SLC9C2: variants seen among roughly 807,000 people sequenced by gnomAD.
SLC9C2 encodes sodium/hydrogen exchanger 11.
Under a neutral mutation model 140.2 loss-of-function variants are expected in SLC9C2, and 75 were observed. The ratio of observed to expected loss-of-function variants is 0.53; its 90% CI spans 0.44 to 0.65. The LOEUF (loss-of-function observed/expected upper bound fraction) is 0.65, where lower values mean the gene tolerates loss of function less well. Among genes scored for constraint, SLC9C2 ranks in the 30% least tolerant of loss-of-function variants. The pLI, the probability that SLC9C2 is intolerant of heterozygous loss-of-function variation, is 0.00. For synonymous variants in SLC9C2, 375 were observed against 420.9 expected (o/e 0.89, Z 1.34); for missense variants, 1,074 against 1,331.8 (o/e 0.81, Z 3.01).
chr1:173,506,869 G>A lies in SLC9C2; in HGVS notation c.3212C>T (p.Thr1071Ile), dbSNP rs766979820. 1 of 1,613,030 alleles carries A rather than the reference G, an allele frequency of 6.2e-7. No individual in the cohort carries two copies. Among genetic ancestry groups the A allele is most frequent in the Non-Finnish European group, 8.5e-7 (1 of 1,179,512 alleles). The change falls in exon 25 of 28, where the codon ACA (threonine) becomes ATA (isoleucine). Residue 1071 changes from threonine to isoleucine, a missense_variant. Transcript: ENST00000367714. ...EPYFAPCIIPTTCEQVQGTSD... is the reference protein window; with the variant it reads ...EPYFAPCIIPITCEQVQGTSD... ...GATATTTCTTACCTGCTCACAGGTT[G>A]TAGGTATAATGCAAGGTGCAAAATA...
In SLC9C2 at chr1:173,506,976, A is replaced by G. The variant is rs1308277550; in HGVS notation, c.3105T>C (p.Ser1035=). The G allele has an allele frequency of 6.2e-7, 1 of 1,612,438 alleles. No homozygotes were observed. The highest frequency in any genetic ancestry group is 1.3e-5 in the African/African-American group (1 of 74,830). The change falls in exon 25 of 28, where the codon AGT becomes AGC. Residue 1035 remains serine, a synonymous_variant. Transcript: ENST00000367714. ...QAYVETLSSY[S]DMIIDNMTMK... is the part of the protein sequence containing the mutation. Reference sequence around the variant, plus strand: ...TGGTCATATTATCAATAATCATGTCACTATAGCTTGATAAAGTTTCCACAT... The same window carrying G: ...TGGTCATATTATCAATAATCATGTCGCTATAGCTTGATAAAGTTTCCACAT...
At chr1:173,579,651 G>A (rs567092920) in intron 7 of SLC9C2, among the ~76,000 whole-genome samples, 20 of 152,288 alleles carry the variant, frequency 1.3e-4, no homozygotes, top group Middle Eastern at 6.8e-3. Flanking sequence ...TTATGATGCC[G>A]TTTAGTTAGC....
chr1:173,506,413 A>T (rs542376826), intron 25 of SLC9C2, among the ~76,000 whole-genome samples: 13 of 152,364 alleles, frequency 8.5e-5, no homozygotes, highest in African/African-American at 3.1e-4. Flanking sequence ...GCTGAGGCCC[A>T]GGGCCCAGGA....
At position 173,581,959 on chromosome 1, in the gene SLC9C2, T is replaced by C; in HGVS notation, c.690A>G (p.Ile230Met). The C allele has an allele frequency of 6.2e-7, 1 of 1,600,028 alleles. No homozygotes were observed. The highest frequency in any genetic ancestry group is 8.5e-7 in the Non-Finnish European group (1 of 1,171,096). ...TGATTTTTGCACACCAATATCCAAA[T>C]ATTATGCTTCCCAAAATGTCATAGC... ...ELSYDILGSI[I>M]FGYWCAKIIQ... Residue 230 changes from isoleucine to methionine, a missense_variant, in exon 7 of 28, where the codon ATA becomes ATG. Ile to Met is a conservative substitution (Grantham distance 10). Transcript: ENST00000367714.
chr1:173,503,639 A>G (rs940118855), intron 26 of SLC9C2, among the ~76,000 whole-genome samples: 3 of 152,208 alleles, frequency 2.0e-5, no homozygotes, highest in African/African-American at 7.2e-5. Context: ...TAGAAGCCAA[A>G]TGATACTCAG....
chr1:173,526,426 A>G (rs960623716), intron 19 of SLC9C2, among the ~76,000 whole-genome samples: 2 of 152,188 alleles, frequency 1.3e-5, no homozygotes, highest in African/African-American at 4.8e-5. Context: ...GGACTCTGCT[A>G]ACTTTTTCAA....
intron 18 of SLC9C2, among the ~76,000 whole-genome samples, chr1:173,529,691 G>T (rs1446364690): frequency 1.3e-5 from 2 of 150,456 alleles, no homozygotes; most frequent in Non-Finnish European, 1.5e-5. Context: ...TATGTTTTCT[G>T]CCATGAAGAT....
intron 9 of SLC9C2, among the ~76,000 whole-genome samples, chr1:173,562,948 G>A (rs1285995029): frequency 6.6e-6 from 1 of 151,986 alleles, no homozygotes; most frequent in African/African-American, 2.4e-5. Flanking sequence ...TACTTGCAGG[G>A]AGTGCTAAAA....
intron 4 of SLC9C2, among the ~76,000 whole-genome samples, chr1:173,596,008 G>A (rs1315882489): frequency 6.6e-6 from 1 of 152,118 alleles, no homozygotes; most frequent in East Asian, 1.9e-4. Context: ...ATTTTTAGAA[G>A]GTCTATGAAT....
At chr1:173,545,725 G>C (rs1020053918) in intron 13 of SLC9C2, among the ~76,000 whole-genome samples, 1 of 152,148 alleles carries the variant, frequency 6.6e-6, no homozygotes, top group African/African-American at 2.4e-5. Flanking sequence ...TTTACATGTC[G>C]GAGGGGTAGA....
Position 173,581,968 on chromosome 1 carries a change from T to C in SLC9C2, c.681A>G (p.Gly227=). 6.3e-7 allele frequency: 1 copy of C among 1,597,104 alleles called. No homozygotes were observed. The highest frequency in any genetic ancestry group is 1.1e-5 in the South Asian group (1 of 87,876). ...CACACCAATATCCAAATATTATGCT[T>C]CCCAAAATGTCATAGCTGAGTTCAA... ...VGIELSYDIL[G]SIIFGYWCAK... is the part of the protein sequence containing the mutation. The change falls in exon 7 of 28, where the codon GGA becomes GGG. Residue 227 remains glycine (G), a synonymous_variant. Coordinates refer to ENST00000367714, the MANE Select transcript of SLC9C2 (RefSeq NM_178527.4).
At chr1:173,535,993 T>C in intron 14 of SLC9C2, 44 bp from the exon 15 acceptor site, 1 of 1,447,500 alleles carries the variant, frequency 6.9e-7, no homozygotes, top group Non-Finnish European at 9.2e-7. Flanking sequence ...AAAAAGCAAG[T>C]GCTATACTTT....
Position 173,501,284 on chromosome 1 carries a change from C to T in SLC9C2, c.3372-187G>A, listed in dbSNP as rs190657005. Among the ~76,000 whole-genome samples, 568 of 152,144 alleles carry T rather than the reference C, an allele frequency of 3.7e-3. 3 individuals are homozygous for T. The highest frequency in any genetic ancestry group is 0.01 in the South Asian group (50 of 4,826). ...ATAATTAATTACATGTGCATCTCTA[C>T]GCTGTCATCTTGTGAAGAGATACTA... is the stretch of plus-strand genomic sequence containing the variant. On this transcript the variant is annotated intron_variant, in intron 27 of 27. Transcript: ENST00000367714.
chr1:173,596,512 C>T (rs573215332), intron 4 of SLC9C2: 1 of 152,228 alleles, frequency 6.6e-6, no homozygotes, highest in South Asian at 2.1e-4. Context: ...GTGTATTTCT[C>T]TAATGACTTA....
At chr1:173,600,249 T>C (rs370158728) in intron 2 of SLC9C2, 32 bp from the exon 3 acceptor site, 62 of 1,486,482 alleles carry the variant, frequency 4.2e-5, no homozygotes, top group Non-Finnish European at 1.9e-6. Flanking sequence ...GTTGCATGAG[T>C]ACTCGAAGTA....
intron 24 of SLC9C2, among the ~76,000 whole-genome samples, chr1:173,507,823 C>T (rs189001156): frequency 6.6e-5 from 10 of 152,274 alleles, no homozygotes; most frequent in African/African-American, 2.2e-4. Context: ...CTCCCAACAC[C>T]TTGATTTCTA....
At chr1:173,567,296 TTCTC>T (rs1218669255) in intron 9 of SLC9C2, among the ~76,000 whole-genome samples, 1 of 152,060 alleles carries the variant, frequency 6.6e-6, no homozygotes, top group Non-Finnish European at 1.5e-5. Context: ...GCATTGAGGT[TTCTC>T]TCTCTTTGGC....
chr1:173,513,609 G>A (rs749032516), intron 23 of SLC9C2, among the ~76,000 whole-genome samples: 10 of 151,908 alleles, frequency 6.6e-5, no homozygotes, highest in Middle Eastern at 3.4e-3. Flanking sequence ...ATCAGCTCCC[G>A]GATTCATTCA....
intron 6 of SLC9C2, among the ~76,000 whole-genome samples, chr1:173,583,044 A>C (rs1665643875): frequency 6.6e-6 from 1 of 152,226 alleles, no homozygotes; most frequent in Non-Finnish European, 1.5e-5. Flanking sequence ...CCAAGAACAC[A>C]CATGCAGTCC....
Sources: gnomAD v4.1 joint callset for allele counts (sites outside exome capture counted in the v4.1 genomes callset) on GRCh38, gnomAD v4.1.1 for gene constraint, MANE v1.5 for transcripts, NCBI Gene and HGNC (gene_info 2026-07-23, HGNC 2026-07-21) for gene names.